The following RGS6 variants were observed in gnomAD, a reference collection of about 807,000 sequenced individuals.
RGS6 encodes regulator of G-protein signaling 6.
In RGS6, 30 loss-of-function variants were observed where a neutral mutation model predicts 78.5. The ratio of observed to expected loss-of-function variants is 0.38; its 90% CI spans 0.29 to 0.52. The LOEUF is 0.52. RGS6 is among the 20% of genes least tolerant of loss of function. The pLI is 0.85. For missense variants in RGS6, 495 were observed against 609.7 expected, an observed-to-expected ratio of 0.81 and a Z score of 1.98; for synonymous variants, 206 against 206.0, an observed-to-expected ratio of 1.00 and a Z score of 0.00.
At chr14:71,979,077 G>A (rs1450623350) in intron 2 of RGS6, among the ~76,000 whole-genome samples, 2 of 151,266 alleles carry the variant, frequency 1.3e-5, no homozygotes, top group African/African-American at 4.9e-5. Context: ...TTCTCTGATG[G>A]TAGTTTGTAT....
intron 2 of RGS6, among the ~76,000 whole-genome samples, chr14:72,283,952 T>A (rs1204544249): frequency 1.3e-5 from 2 of 152,182 alleles, no homozygotes; most frequent in Non-Finnish European, 2.9e-5. Flanking sequence ...GATGAGGAAC[T>A]TGTTAGGAAC....
the RGS6 span, among the ~76,000 whole-genome samples, chr14:72,578,306 C>T: frequency 6.6e-6 from 1 of 152,188 alleles, no homozygotes; most frequent in African/African-American, 2.4e-5. Flanking sequence ...CTGGGTCCCA[C>T]CTCCTCACGT....
At chr14:72,266,141 G>A (rs1434833175) in intron 2 of RGS6, among the ~76,000 whole-genome samples, 1 of 152,172 alleles carries the variant, frequency 6.6e-6, no homozygotes, top group African/African-American at 2.4e-5. Context: ...TGTATTGAAG[G>A]GGGTCGCTGG....
chr14:72,130,578 T>C (rs148859298), intron 2 of RGS6, among the ~76,000 whole-genome samples: 1 of 152,286 alleles, frequency 6.6e-6, no homozygotes, highest in African/African-American at 2.4e-5. Flanking sequence ...GAATTTCAAA[T>C]GGTTTTTGAA....
intron 3 of RGS6, among the ~76,000 whole-genome samples, chr14:72,399,095 C>T (rs990954940): frequency 1.3e-5 from 2 of 149,854 alleles, no homozygotes; most frequent in Non-Finnish European, 2.9e-5. Context: ...GAGTTCAATT[C>T]CTGGATATCC....
intron 2 of RGS6, among the ~76,000 whole-genome samples, chr14:72,344,804 A>G (rs1007506365): frequency 3.9e-5 from 6 of 152,226 alleles, no homozygotes; most frequent in Non-Finnish European, 8.8e-5. Flanking sequence ...GATTTTAGGT[A>G]GGGGAGTTAA....
At chr14:72,173,100 G>A (rs1447998809) in intron 2 of RGS6, among the ~76,000 whole-genome samples, 1 of 152,146 alleles carries the variant, frequency 6.6e-6, no homozygotes, top group East Asian at 1.9e-4. Context: ...TAGGGCCACA[G>A]CCTCTTTTGC....
intron 3 of RGS6, among the ~76,000 whole-genome samples, chr14:72,372,331 T>G (rs2083673572): frequency 6.6e-6 from 1 of 152,192 alleles, no homozygotes; most frequent in Non-Finnish European, 1.5e-5. Flanking sequence ...CACAGGAAAT[T>G]TGAAGTCATT....
chr14:72,495,034 TA>T, intron 12 of RGS6, 117 bp from the exon 13 acceptor site: 1 of 665,240 alleles, frequency 1.5e-6, no homozygotes, highest in Non-Finnish European at 2.7e-6. Flanking sequence ...GGAGCGGAAA[TA>T]AATTTTTTCC....
chr14:71,985,707 G>T (rs775577547), intron 2 of RGS6, among the ~76,000 whole-genome samples: 6 of 152,168 alleles, frequency 3.9e-5, no homozygotes, highest in Admixed American at 2.6e-4. Flanking sequence ...CCTCTAAACC[G>T]CATCCCCATC....
At chr14:72,228,320 G>A (rs565530223) in intron 2 of RGS6, among the ~76,000 whole-genome samples, 2 of 152,210 alleles carry the variant, frequency 1.3e-5, no homozygotes, top group Non-Finnish European at 2.9e-5. Flanking sequence ...GGTGGAGGTT[G>A]CAGTGAGTCG....
chr14:71,984,858 C>T (rs1040934761), intron 2 of RGS6, among the ~76,000 whole-genome samples: 1 of 152,048 alleles, frequency 6.6e-6, no homozygotes, highest in African/African-American at 2.4e-5. Flanking sequence ...CAGAAATAAT[C>T]GCTTTCCATT....
the RGS6 span, among the ~76,000 whole-genome samples, chr14:71,890,263 T>C: frequency 6.6e-6 from 1 of 152,160 alleles, no homozygotes; most frequent in African/African-American, 2.4e-5. Context: ...GTAAAATCAG[T>C]GCAGGAGAGG....
At chr14:71,951,962 G>T (rs961141434) in intron 1 of RGS6, among the ~76,000 whole-genome samples, 6 of 152,038 alleles carry the variant, frequency 3.9e-5, no homozygotes, top group African/African-American at 1.4e-4. Flanking sequence ...CATTGACTTT[G>T]CTAAATTCAC....
intron 2 of RGS6, among the ~76,000 whole-genome samples, chr14:72,248,831 A>C (rs2054890536): frequency 6.6e-6 from 1 of 152,178 alleles, no homozygotes; most frequent in Admixed American, 6.5e-5. Flanking sequence ...GGTAATTTTA[A>C]CCTACAGGTT....
intron 15 of RGS6, among the ~76,000 whole-genome samples, chr14:72,521,729 A>G (rs1311696647): frequency 1.3e-5 from 2 of 152,184 alleles, no homozygotes; most frequent in Admixed American, 6.5e-5. Flanking sequence ...CCTTTCTAGC[A>G]GAGTGACCTT....
intron 2 of RGS6, among the ~76,000 whole-genome samples, chr14:72,302,820 A>C (rs1247215444): frequency 6.6e-6 from 1 of 152,158 alleles, no homozygotes; most frequent in African/African-American, 2.4e-5. Flanking sequence ...TGTAGCTCCC[A>C]TAATTCCCAC....
At chr14:72,116,126 A>G (rs142515498) in intron 2 of RGS6, among the ~76,000 whole-genome samples, 55 of 152,360 alleles carry the variant, frequency 3.6e-4, no homozygotes, top group African/African-American at 1.2e-3. Flanking sequence ...ATACCTAAAC[A>G]TAAATGGGCA....
chr14:72,269,567 A>ATTTTTTTTTTTTTTTTTTTTTT (rs56171281), intron 2 of RGS6, among the ~76,000 whole-genome samples: 1 of 120,334 alleles, frequency 8.3e-6, no homozygotes. Flanking sequence ...CCTATCTTAA[A>ATTTTTTTTTTTTTTTTTTTTTT]TTTTTTTTTT....
Sources: gnomAD v4.1 joint callset for allele counts (sites outside exome capture counted in the v4.1 genomes callset) on GRCh38, gnomAD v4.1.1 for gene constraint, MANE v1.5 for transcripts, NCBI Gene and HGNC (gene_info 2026-07-23, HGNC 2026-07-21) for gene names.